SFTPB: variants seen among roughly 807,000 people sequenced by gnomAD.
SFTPB encodes the protein pulmonary surfactant-associated protein B.
A neutral mutation model predicts 51.0 loss-of-function variants in SFTPB; 32 were observed. That is an observed-to-expected ratio of 0.63 (90% CI 0.47 to 0.84). The LOEUF is 0.84. SFTPB is among the 40% of genes least tolerant of loss of function. The probability of loss-of-function intolerance (pLI) is 0.00; values close to 1 mark genes in which losing one functional copy is unlikely to be tolerated. For synonymous variants in SFTPB, 211 were observed against 208.5 expected (o/e 1.01, Z -0.10); for missense variants, 431 against 491.2 (o/e 0.88, Z 1.16).
chr2:85,660,593 G>T (rs531207215), intron 10 of SFTPB, among the ~76,000 whole-genome samples: 2 of 151,822 alleles, frequency 1.3e-5, no homozygotes, highest in South Asian at 4.2e-4. Context: ...GGGATTACAG[G>T]CACCTGCCAC....
chr2:85,665,223 T>C, intron 6 of SFTPB, 66 bp downstream of exon 6: 1 of 1,181,820 alleles, frequency 8.5e-7, no homozygotes, highest in Non-Finnish European at 1.3e-6. Flanking sequence ...GGGAGAGAGG[T>C]GGGAGCTGCA....
rs1426115944 is a variant in SFTPB at position 85,667,010 on chromosome 2, A to AG, written c.267+95dup. On this transcript the variant is annotated intron_variant, in intron 3 of 10. Coordinates refer to ENST00000519937, the MANE Select transcript of SFTPB (RefSeq NM_000542.5). The stretch of plus-strand genomic sequence containing the variant: ...TCCCAGGCACCCAGGCCTCCTCCTC[A>AG]GCCTGGAAATGGCCCCTTTAGGGGG... 14 of 1,182,084 alleles carry AG rather than the reference A, an allele frequency of 1.2e-5. No homozygotes were observed. In the South Asian group the frequency reaches 1.6e-4, roughly 14 times the overall value. 73.2% of individuals were successfully genotyped at this position (1,182,084 alleles called of 1,614,324 possible). A position where few individuals can be genotyped will look rare whatever the true frequency, so the allele number is the denominator to read the frequency against.
chr2:85,661,522 C>A lies in SFTPB; in HGVS notation c.1097G>T (p.Cys366Phe), dbSNP rs757642887. Residue 366 changes from cysteine (C) to phenylalanine (F), a missense_variant, in exon 10 of 11, where the codon TGT becomes TTT. By Grantham distance (205) the Cys-to-Phe change is radical. Coordinates refer to ENST00000519937, the MANE Select transcript of SFTPB (RefSeq NM_000542.5). The stretch of plus-strand genomic sequence containing the variant: ...CTGGAGAGGGCTGGACATGGTCCCA[C>A]ACACCCCGAGGGCCTGTCACAGGGA... ...AHTTCQALGV[C>F]GTMSSPLQCI... is the part of the protein sequence containing the mutation. 1.2e-6 allele frequency: 2 copies of A among 1,611,680 alleles called. No individual in the cohort carries two copies. The highest frequency in any genetic ancestry group is 1.7e-6 in the Non-Finnish European group (2 of 1,179,132).
intron 8 of SFTPB, among the ~76,000 whole-genome samples, chr2:85,662,542 T>C (rs1414793408): frequency 6.6e-6 from 1 of 152,106 alleles, no homozygotes; most frequent in African/African-American, 2.4e-5. Context: ...GATCTCGCTT[T>C]AAGAAGGGAA....
intron 6 of SFTPB, 21 bp from the exon 7 acceptor site, chr2:85,663,868 G>C: frequency 3.8e-6 from 6 of 1,564,004 alleles, no homozygotes; most frequent in Non-Finnish European, 5.2e-6. Context: ...GGCGGAGAGA[G>C]GCCAGCATGG....
intron 8 of SFTPB, 39 bp downstream of exon 8, chr2:85,663,307 C>CG: frequency 1.2e-6 from 2 of 1,604,168 alleles, no homozygotes; most frequent in Non-Finnish European, 1.7e-6. Context: ...CTGCCTTGAA[C>CG]GGGCCCTGAC....
chr2:85,660,444 C>CTTT (rs67187198), intron 10 of SFTPB, among the ~76,000 whole-genome samples: 9,057 of 97,372 alleles, frequency 0.093, 741 homozygotes, highest in South Asian at 0.13. Flanking sequence ...AAAGAAATAC[C>CTTT]TTTTTTTTTT....
intron 10 of SFTPB, among the ~76,000 whole-genome samples, chr2:85,660,288 ATTTTTTTT>A (rs60518418): frequency 3.7e-5 from 3 of 80,562 alleles, no homozygotes; most frequent in African/African-American, 5.9e-5. Flanking sequence ...CATCTGGCTA[ATTTTTTTT>A]TTTTTTTTTT....
At chr2:85,664,312 G>T (rs1440411179) in intron 6 of SFTPB, among the ~76,000 whole-genome samples, 1 of 152,166 alleles carries the variant, frequency 6.6e-6, no homozygotes, top group African/African-American at 2.4e-5. Context: ...TGGCCAGTGT[G>T]TAAAAGTCAC....
At position 85,657,848 on chromosome 2, in the gene SFTPB, C is replaced by T. The variant is rs950064171; in HGVS notation, c.*1854G>A. 4.2e-5 allele frequency: 6 copies of T among 144,446 alleles called. No homozygotes were observed. The highest frequency in any genetic ancestry group is 1.3e-4 in the African/African-American group (5 of 39,344). 8.9% of individuals were successfully genotyped at this position (144,446 alleles called of 1,614,324 possible). On this transcript the variant is annotated 3_prime_UTR_variant, in exon 11 of 11. Transcript: ENST00000519937. ...GGGTGGATCTTACAAAGCACATTCTCAATGGCGGAGAGAATATTACAAAAT... is the reference window on the plus strand; with the variant it reads ...GGGTGGATCTTACAAAGCACATTCTTAATGGCGGAGAGAATATTACAAAAT...
chr2:85,666,248 TGTCTGG>T (rs1463555097), intron 4 of SFTPB, among the ~76,000 whole-genome samples: 209 of 136,062 alleles, frequency 1.5e-3, no homozygotes, highest in African/African-American at 5.6e-3. Context: ...TGTGTGTGTG[TGTCTGG>T]CTGGCTGGGG....
rs1395513801 is a variant in SFTPB, at chr2:85,663,506, A to G, written c.857-15T>C. ...TGTCGGCGACCCTGGAGATGTGAGC[A>G]TTAGGGGGAAAGCAGGCAAGGCCAC... On this transcript the variant is annotated splice_polypyrimidine_tract_variant and intron_variant, in intron 7 of 10. Coordinates refer to ENST00000519937, the MANE Select transcript of SFTPB (RefSeq NM_000542.5). 1.9e-6 allele frequency: 3 copies of G among 1,613,502 alleles called. No individual in the cohort carries two copies. The highest frequency in any genetic ancestry group is 2.5e-6 in the Non-Finnish European group (3 of 1,179,822).
At chr2:85,668,267 C>G, upstream of SFTPB, 1 of 1,319,652 alleles carries the variant, frequency 7.6e-7, no homozygotes, top group Non-Finnish European at 1.1e-6. Context: ...GGAGTGGCAG[C>G]GACCTCAGTG....
At chr2:85,667,961 C>T (rs1017708655) in intron 1 of SFTPB, among the ~76,000 whole-genome samples, 155 bp from the exon 2 acceptor site, 5 of 152,246 alleles carry the variant, frequency 3.3e-5, no homozygotes, top group East Asian at 3.8e-4. Context: ...CTCCTGGACC[C>T]GCCAGCTGTG....
chr2:85,663,830 T>C lies in SFTPB; in HGVS notation c.690A>G (p.Ala230=). 3 of 1,592,272 alleles carry C rather than the reference T, an allele frequency of 1.9e-6. No individual in the cohort carries two copies. Among genetic ancestry groups the C allele is most frequent in the Non-Finnish European group, 2.6e-6 (3 of 1,172,222 alleles). The change falls in exon 7 of 11, where the codon GCA becomes GCG. Residue 230 remains alanine (A), a synonymous_variant. Transcript: ENST00000519937. The stretch of plus-strand genomic sequence containing the variant: ...GTACCACGCGGCACACCTGGGCCAC[T>C]GCCACAGCTAGCGCACCCTGGGGCG... The part of the protein sequence containing the change: ...AMIPKGALAV[A]VAQVCRVVPL...
intron 10 of SFTPB, chr2:85,661,229 C>T: frequency 2.3e-6 from 1 of 438,696 alleles, no homozygotes; most frequent in Non-Finnish European, 4.3e-6. Context: ...GTTGGGCACT[C>T]AGTGACTGGG....
At chr2:85,661,905 G>C (rs960809311) in intron 9 of SFTPB, 124 bp downstream of exon 9, 3 of 846,626 alleles carry the variant, frequency 3.5e-6, no homozygotes, top group Non-Finnish European at 5.7e-6. Context: ...CCCAGTCCCT[G>C]GCCCGTGCAC....
chr2:85,666,492 G>GCT (rs1344714776), intron 4 of SFTPB, 125 bp downstream of exon 4: 3 of 824,524 alleles, frequency 3.6e-6, no homozygotes, highest in African/African-American at 2.4e-5. Context: ...CGGCTTGGGT[G>GCT]CTGTGTGTGT....
At position 85,658,021 on chromosome 2, in the gene SFTPB, T is replaced by C. The variant is rs1003812885; in HGVS notation, c.*1681A>G. On this transcript the variant is annotated 3_prime_UTR_variant, in exon 11 of 11. Coordinates refer to ENST00000519937, the MANE Select transcript of SFTPB (RefSeq NM_000542.5). ...AACAAATCACAATGGTGGAATGTCATCAGTTAAGGCAGGAACTGGCTATTT... is the reference window on the plus strand; with the variant it reads ...AACAAATCACAATGGTGGAATGTCACCAGTTAAGGCAGGAACTGGCTATTT... 1 of 151,690 alleles carries C rather than the reference T, an allele frequency of 6.6e-6. No homozygotes were observed. Among genetic ancestry groups the C allele is most frequent in the Admixed American group, 6.6e-5 (1 of 15,100 alleles). 9.4% of individuals were successfully genotyped at this position (151,690 alleles called of 1,614,324 possible). A position where few individuals can be genotyped will look rare whatever the true frequency, so the allele number is the denominator to read the frequency against.
Sources: allele counts gnomAD v4.1 joint callset (sites outside exome capture counted in the v4.1 genomes callset), GRCh38; gene constraint gnomAD v4.1.1; transcripts MANE v1.5; gene names NCBI Gene and HGNC (gene_info 2026-07-23, HGNC 2026-07-21).